The following SGCZ variants were observed in gnomAD, a reference collection of about 807,000 sequenced individuals.
The protein encoded by SGCZ is zeta-sarcoglycan.
SGCZ carries 40 observed loss-of-function variants against 41.3 expected under a neutral mutation model. The ratio of observed to expected loss-of-function variants is 0.97; its 90% confidence interval spans 0.75 to 1.26. The LOEUF is 1.26. Ranked by LOEUF, SGCZ falls within the 50% of genes most tolerant of loss-of-function variation. The pLI is 0.00. For missense variants in SGCZ, 552 were observed against 369.8 expected (o/e 1.49, Z -4.04); for synonymous variants, 206 against 137.5 (o/e 1.50, Z -3.49).
chr8:14,861,854 T>C (rs560435662), intron 1 of SGCZ, among the ~76,000 whole-genome samples: 1 of 152,224 alleles, frequency 6.6e-6, no homozygotes, highest in East Asian at 1.9e-4. Context: ...TAATAATCTG[T>C]TCCCTTAATT....
intron 1 of SGCZ, among the ~76,000 whole-genome samples, chr8:14,941,472 GT>G (rs1312378294): frequency 6.6e-6 from 1 of 151,968 alleles, no homozygotes; most frequent in Non-Finnish European, 1.5e-5. Context: ...ATAAATACAA[GT>G]TGTAGAGTAA....
intron 4 of SGCZ, among the ~76,000 whole-genome samples, chr8:14,224,766 T>C (rs1806315877): frequency 6.6e-6 from 1 of 152,126 alleles, no homozygotes; most frequent in African/African-American, 2.4e-5. Context: ...TTTAAGATCA[T>C]ATTCATCATT....
chr8:15,003,673 A>G (rs993759919), intron 1 of SGCZ, among the ~76,000 whole-genome samples: 2 of 152,176 alleles, frequency 1.3e-5, no homozygotes, highest in African/African-American at 2.4e-5. Flanking sequence ...CTTTTGGAAG[A>G]CTTGGCTGTG....
chr8:15,049,381 G>C (rs1490964402), intron 1 of SGCZ, among the ~76,000 whole-genome samples: 1 of 152,158 alleles, frequency 6.6e-6, no homozygotes, highest in African/African-American at 2.4e-5. Context: ...AGAGCAGGAA[G>C]AGATGAGTGT....
At chr8:15,105,050 T>C (rs1363172145) in intron 1 of SGCZ, among the ~76,000 whole-genome samples, 1 of 152,192 alleles carries the variant, frequency 6.6e-6, no homozygotes, top group East Asian at 1.9e-4. Flanking sequence ...ATGAATGTTG[T>C]CATTTTAAAA....
chr8:15,143,517 C>G (rs1798954255), intron 1 of SGCZ, among the ~76,000 whole-genome samples: 2 of 152,122 alleles, frequency 1.3e-5, no homozygotes, highest in Non-Finnish European at 1.5e-5. Flanking sequence ...TTGAAAATAG[C>G]CAGATCATTG....
At chr8:15,230,137 T>C (rs2117205041) in intron 1 of SGCZ, among the ~76,000 whole-genome samples, 1 of 150,406 alleles carries the variant, frequency 6.6e-6, no homozygotes, top group East Asian at 2.0e-4. Context: ...CAACCAACGG[T>C]AATTTGACCC....
chr8:14,478,512 G>C (rs1198382550), intron 2 of SGCZ, among the ~76,000 whole-genome samples: 3 of 152,166 alleles, frequency 2.0e-5, no homozygotes, highest in Non-Finnish European at 4.4e-5. Flanking sequence ...AAAAATCAGT[G>C]ATTGACAGGT....
chr8:14,971,629 T>C (rs914040074), intron 1 of SGCZ, among the ~76,000 whole-genome samples: 11 of 149,894 alleles, frequency 7.3e-5, no homozygotes, highest in African/African-American at 2.5e-4. Context: ...TCATGAGGCA[T>C]TACTCATTTT....
rs79761519 is a variant in SGCZ at position 14,366,956 on chromosome 8, C to A, written c.235-42752G>T. Among the ~76,000 whole-genome samples, 1,502 of 152,238 alleles carry A rather than the reference C, an allele frequency of 9.9e-3. 26 individuals are homozygous for A. The highest frequency in any genetic ancestry group is 0.033 in the African/African-American group (1,359 of 41,566). ...CTTGGAAGTTAACATTTGGGCTCTT[C>A]ATTACTTATGCAAATTTCCACAGAG... On this transcript the variant is annotated intron_variant, in intron 2 of 7. Coordinates refer to ENST00000382080, the MANE Select transcript of SGCZ (RefSeq NM_139167.4).
chr8:14,348,994 G>T (rs1802993788), intron 2 of SGCZ, among the ~76,000 whole-genome samples: 1 of 152,032 alleles, frequency 6.6e-6, no homozygotes, highest in Admixed American at 6.6e-5. Context: ...ATAAAACTTA[G>T]TAGAGTCATG....
At chr8:14,435,769 A>G (rs769494384) in intron 2 of SGCZ, among the ~76,000 whole-genome samples, 2 of 152,234 alleles carry the variant, frequency 1.3e-5, no homozygotes, top group African/African-American at 2.4e-5. Context: ...AACTGCAAAT[A>G]CGTGAACTTG....
intron 1 of SGCZ, among the ~76,000 whole-genome samples, chr8:14,978,904 T>C (rs1462238635): frequency 1.3e-5 from 2 of 152,160 alleles, no homozygotes; most frequent in African/African-American, 4.8e-5. Flanking sequence ...GCTCAAGACA[T>C]TCTCCCATAT....
rs1463166268 is a variant in SGCZ at position 14,551,523 on chromosome 8, T to G, written c.234+3209A>C. ...TTATATATATTATATATATTATATA[T>G]AATATATATAATATATATAATATAT... On this transcript the variant is annotated intron_variant, in intron 2 of 7. Coordinates refer to ENST00000382080, the MANE Select transcript of SGCZ (RefSeq NM_139167.4). Among the ~76,000 whole-genome samples, 5 of 10,836 alleles carry G rather than the reference T, an allele frequency of 4.6e-4. 1 individual carries two copies. Among genetic ancestry groups the G allele is most frequent in the East Asian group, 3.4e-3 (1 of 296 alleles). 7.1% of individuals were successfully genotyped at this position (10,836 alleles called of 152,430 possible).
intron 1 of SGCZ, among the ~76,000 whole-genome samples, chr8:14,587,374 TAAAA>T (rs200503901): frequency 7.2e-6 from 1 of 138,438 alleles, no homozygotes. Flanking sequence ...CATTTGGAGC[TAAAA>T]AAAAAAAAAA....
intron 2 of SGCZ, among the ~76,000 whole-genome samples, chr8:14,484,158 T>C (rs1422681290): frequency 2.6e-5 from 4 of 152,162 alleles, no homozygotes; most frequent in Non-Finnish European, 4.4e-5. Flanking sequence ...TTATACACTA[T>C]ATTTATTAAG....
At chr8:14,813,419 T>C (rs963000444) in intron 1 of SGCZ, among the ~76,000 whole-genome samples, 1 of 152,200 alleles carries the variant, frequency 6.6e-6, no homozygotes, top group Non-Finnish European at 1.5e-5. Context: ...GTGGGCAGGT[T>C]AACTCATTAT....
chr8:14,228,197 T>C (rs2117140363), intron 4 of SGCZ, among the ~76,000 whole-genome samples: 1 of 152,210 alleles, frequency 6.6e-6, no homozygotes, highest in South Asian at 2.1e-4. Context: ...AAACTGCATG[T>C]TCCATAAGAC....
chr8:15,206,139 T>C (rs1338695191), intron 1 of SGCZ, among the ~76,000 whole-genome samples: 2 of 152,154 alleles, frequency 1.3e-5, no homozygotes, highest in African/African-American at 4.8e-5. Context: ...GACATGAGTT[T>C]ACCTATGCAA....
Sources: gnomAD v4.1 joint callset for allele counts (sites outside exome capture counted in the v4.1 genomes callset) on GRCh38, gnomAD v4.1.1 for gene constraint, MANE v1.5 for transcripts, NCBI Gene and HGNC (gene_info 2026-07-23, HGNC 2026-07-21) for gene names.